MTSS1: variants seen among roughly 807,000 people sequenced by gnomAD.
The protein encoded by MTSS1 is MTSS I-BAR domain containing 1.
A neutral mutation model predicts 79.0 loss-of-function variants in MTSS1; 18 were observed. The ratio of observed to expected loss-of-function variants is 0.23; its 90% CI spans 0.16 to 0.34. The LOEUF (loss-of-function observed/expected upper bound fraction) is 0.34. Ranked by LOEUF, MTSS1 falls within the 10% of genes least tolerant of loss-of-function variation. The pLI is 1.00. For missense variants in MTSS1, 815 were observed against 986.2 expected, an observed-to-expected ratio of 0.83 and a Z score of 2.33; for synonymous variants, 341 against 368.6, an observed-to-expected ratio of 0.93 and a Z score of 0.86.
chr8:124,636,594 T>C (rs1253155899), intron 3 of MTSS1, among the ~76,000 whole-genome samples: 1 of 152,032 alleles, frequency 6.6e-6, no homozygotes, highest in Non-Finnish European at 1.5e-5. Context: ...TGTGGGTTTA[T>C]TTGCCTGACT....
chr8:124,665,700 T>C (rs937286471), intron 3 of MTSS1, among the ~76,000 whole-genome samples: 2 of 152,098 alleles, frequency 1.3e-5, no homozygotes, highest in Non-Finnish European at 2.9e-5. Context: ...AAACCCCGTC[T>C]CTACTAAAAA....
At chr8:124,695,031 C>A (rs1296236430) in intron 3 of MTSS1, among the ~76,000 whole-genome samples, 13 of 151,914 alleles carry the variant, frequency 8.6e-5, no homozygotes, top group Admixed American at 7.2e-4. Context: ...AAAATGAAAG[C>A]AATTAAGTTC....
intron 3 of MTSS1, among the ~76,000 whole-genome samples, chr8:124,653,294 T>C (rs970537194): frequency 6.6e-6 from 1 of 152,238 alleles, no homozygotes; most frequent in Non-Finnish European, 1.5e-5. Context: ...TATGCCTAAA[T>C]GCAGTGTGTG....
chr8:124,649,824 G>C (rs1181660823), intron 3 of MTSS1, among the ~76,000 whole-genome samples: 1 of 152,004 alleles, frequency 6.6e-6, no homozygotes. Flanking sequence ...TGTGCTTGGG[G>C]AAAAACACTG....
chr8:124,578,053 C>T (rs1440517185), intron 6 of MTSS1, among the ~76,000 whole-genome samples: 1 of 152,110 alleles, frequency 6.6e-6, no homozygotes, highest in East Asian at 1.9e-4. Context: ...CAGGCTTTTT[C>T]CAAGAAAGGA....
In MTSS1 at chr8:124,580,474, G is replaced by C; in HGVS notation, c.460+4613C>G. On this transcript the variant is annotated intron_variant, in intron 6 of 13. Transcript: ENST00000518547. ...AGAAAAACCTGGGCAGCTAGCAGAG[G>C]TCTGGACAACCACGGAAAGCCCACA... is the stretch of plus-strand genomic sequence containing the variant. 2.7e-6 allele frequency: 4 copies of C among 1,486,494 alleles called. No homozygotes were observed. In the South Asian group the frequency reaches 4.8e-5, roughly 18 times the overall value. The allele number at this position is 1,486,494 out of a possible 1,614,324, so 92.1% of individuals were successfully genotyped here.
At chr8:124,589,310 T>A (rs543453954) in intron 5 of MTSS1, among the ~76,000 whole-genome samples, 1 of 152,226 alleles carries the variant, frequency 6.6e-6, no homozygotes, top group East Asian at 1.9e-4. Context: ...GGATTACAGG[T>A]CTGAGCCACC....
At chr8:124,600,175 T>C (rs778322385) in intron 3 of MTSS1, among the ~76,000 whole-genome samples, 3 of 152,232 alleles carry the variant, frequency 2.0e-5, no homozygotes, top group African/African-American at 7.2e-5. Flanking sequence ...CTGAATATCC[T>C]AGATTTTTAC....
chr8:124,717,187 C>T (rs1832163145), intron 1 of MTSS1, among the ~76,000 whole-genome samples: 1 of 152,090 alleles, frequency 6.6e-6, no homozygotes, highest in African/African-American at 2.4e-5. Context: ...CGCCCCTAAC[C>T]ACTCTACTTA....
In MTSS1 at chr8:124,553,684, A is replaced by C; in HGVS notation, c.1576T>G (p.Tyr526Asp). 1 of 1,607,412 alleles carries C rather than the reference A, an allele frequency of 6.2e-7. No individual in the cohort carries two copies. The highest frequency in any genetic ancestry group is 8.5e-7 in the Non-Finnish European group (1 of 1,175,544). ...TCACCACTTACAGAGAAATAATCAT[A>C]ATCTGAAACTGATTATAGGATTTGA... Reference protein sequence around the residue: ...EDTIPSQVSDYDYFSVSGDQE... With the variant: ...EDTIPSQVSDDDYFSVSGDQE... Residue 526 changes from tyrosine to aspartate, a missense_variant, in exon 14 of 14, where the codon TAT becomes GAT. Transcript: ENST00000518547. This position sits in a 1 kb window ranked among gnomAD's most constrained non-coding sequence, Gnocchi z 6.0.
chr8:124,669,438 AAC>A (rs1231829096), intron 3 of MTSS1, among the ~76,000 whole-genome samples: 1 of 152,248 alleles, frequency 6.6e-6, no homozygotes, highest in Admixed American at 6.5e-5. Context: ...ACATGAAATG[AAC>A]ACTTTTAATG....
chr8:124,616,095 G>A lies in MTSS1; in HGVS notation c.209-24860C>T, dbSNP rs72714747. Among the ~76,000 whole-genome samples the A allele has an allele frequency of 6.2e-3, 947 of 152,332 alleles. 8 individuals carry two copies. The highest frequency in any genetic ancestry group is 0.011 in the South Asian group (54 of 4,826). On this transcript the variant is annotated intron_variant, in intron 3 of 13. Coordinates refer to ENST00000518547, the MANE Select transcript of MTSS1 (RefSeq NM_014751.6). ...GCCTCCAACTGAACCAAGAGTGCAA[G>A]TTCATGATGCCAAATTCAGGGCACA...
At chr8:124,603,304 G>A (rs182898308) in intron 3 of MTSS1, among the ~76,000 whole-genome samples, 127 of 152,280 alleles carry the variant, frequency 8.3e-4, no homozygotes, top group African/African-American at 3.0e-3. Context: ...GGGATTACAG[G>A]TGTGAGCCAC....
At chr8:124,674,990 G>A (rs1563978049) in intron 3 of MTSS1, among the ~76,000 whole-genome samples, 1 of 152,214 alleles carries the variant, frequency 6.6e-6, no homozygotes, top group African/African-American at 2.4e-5. Flanking sequence ...CCAAAATGCT[G>A]GGATTACAGG....
At chr8:124,682,298 C>T (rs2135003131) in intron 3 of MTSS1, among the ~76,000 whole-genome samples, 1 of 152,340 alleles carries the variant, frequency 6.6e-6, no homozygotes, top group South Asian at 2.1e-4. Flanking sequence ...CGGCAGCCTC[C>T]CCCAGGCTGT....
At chr8:124,672,311 T>C (rs564973425) in intron 3 of MTSS1, among the ~76,000 whole-genome samples, 3 of 152,144 alleles carry the variant, frequency 2.0e-5, no homozygotes, top group African/African-American at 7.2e-5. Context: ...CTGCCCAACA[T>C]TGTGAAACCC....
intron 7 of MTSS1, chr8:124,567,794 G>A (rs1229229300): frequency 9.2e-6 from 14 of 1,528,832 alleles, no homozygotes; most frequent in Non-Finnish European, 1.1e-5. Context: ...CTCAAATTCA[G>A]ACATTTTGCT....
chr8:124,674,754 T>C (rs1353156875), intron 3 of MTSS1, among the ~76,000 whole-genome samples: 1 of 152,114 alleles, frequency 6.6e-6, no homozygotes, highest in Non-Finnish European at 1.5e-5. Flanking sequence ...GTCAGAGTCT[T>C]GCTCTGCCAC....
At chr8:124,633,903 C>T (rs1816502174) in intron 3 of MTSS1, among the ~76,000 whole-genome samples, 2 of 151,996 alleles carry the variant, frequency 1.3e-5, no homozygotes, top group Non-Finnish European at 2.9e-5. Flanking sequence ...GAGTAATGGC[C>T]ACACTGAGAG....
Sources: allele counts gnomAD v4.1 joint callset (sites outside exome capture counted in the v4.1 genomes callset), GRCh38; gene constraint gnomAD v4.1.1; non-coding constraint Gnocchi (gnomAD v3.1); transcripts MANE v1.5; gene names NCBI Gene and HGNC (gene_info 2026-07-23, HGNC 2026-07-21).